Variants in KIF3B observed in about 807,000 individuals in gnomAD.
KIF3B encodes the protein kinesin-like protein KIF3B.
Under a neutral mutation model 74.3 loss-of-function variants are expected in KIF3B, and 38 were observed. The ratio of observed to expected loss-of-function variants is 0.51; its 90% CI spans 0.39 to 0.67. The LOEUF is 0.67. KIF3B is among the 30% of genes least tolerant of loss of function. The probability of loss-of-function intolerance (pLI) is 0.00; values close to 1 mark genes in which losing one functional copy is unlikely to be tolerated. For missense variants in KIF3B, 649 were observed against 932.0 expected (o/e 0.70, Z 3.95); for synonymous variants, 326 against 342.5 (o/e 0.95, Z 0.53).
At position 32,310,998 on chromosome 20, in the gene KIF3B, G is replaced by A. The variant is rs764860406; in HGVS notation, c.1221G>A (p.Gly407=). 1.9e-6 allele frequency: 3 copies of A among 1,613,342 alleles called. No homozygotes were observed. The highest frequency in any genetic ancestry group is 1.3e-5 in the African/African-American group (1 of 74,796). The change falls in exon 2 of 9, where the codon GGG becomes GGA. Residue 407 remains glycine (G), a synonymous_variant. Transcript: ENST00000375712. This position sits in a 1 kb window ranked among gnomAD's most constrained non-coding sequence, Gnocchi z 6.5. Reference sequence around the variant, plus strand: ...AGGGAGAAGAGGGTGAGGAGGAAGGGGATGATAAGGATGATTACTGGCGGG... The same window carrying A: ...AGGGAGAAGAGGGTGAGGAGGAAGGAGATGATAAGGATGATTACTGGCGGG... The part of the protein sequence containing the change: ...EEEGEEGEEE[G]DDKDDYWREQ...
chr20:32,322,869 C>T (rs1470630816), intron 5 of KIF3B, among the ~76,000 whole-genome samples: 61 of 47,276 alleles, frequency 1.3e-3, no homozygotes, highest in Admixed American at 2.1e-3. Context: ...TATACATATT[C>T]ATATATATTT....
At chr20:32,292,376 A>G (rs972922543) in intron 1 of KIF3B, among the ~76,000 whole-genome samples, 2 of 152,058 alleles carry the variant, frequency 1.3e-5, no homozygotes, top group African/African-American at 4.8e-5. Context: ...TGGGAGAATC[A>G]CATGAAGCCA....
intron 5 of KIF3B, among the ~76,000 whole-genome samples, chr20:32,325,756 C>CCT (rs1569210222): frequency 7.0e-6 from 1 of 142,044 alleles, no homozygotes; most frequent in East Asian, 2.2e-4. Context: ...CAACCTCTGC[C>CCT]CTCTGGGTTC....
At chr20:32,282,011 A>G (rs1439875124) in intron 1 of KIF3B, among the ~76,000 whole-genome samples, 3 of 152,158 alleles carry the variant, frequency 2.0e-5, no homozygotes, top group Non-Finnish European at 4.4e-5. Flanking sequence ...TGCTAGAGTA[A>G]TGAGTTGGGA....
chr20:32,330,388 C>T (rs768079356), intron 8 of KIF3B, 69 bp downstream of exon 8: 49 of 1,402,204 alleles, frequency 3.5e-5, no homozygotes, highest in Non-Finnish European at 4.7e-5. Flanking sequence ...AGCAAGAATG[C>T]TTGTTTATCA....
At chr20:32,285,124 T>G (rs1419285941) in intron 1 of KIF3B, among the ~76,000 whole-genome samples, 1 of 150,046 alleles carries the variant, frequency 6.7e-6, no homozygotes, top group Non-Finnish European at 1.5e-5. Context: ...AAACAGTGAC[T>G]TGAAAGAATG....
chr20:32,289,634 A>G lies in KIF3B; in HGVS notation c.-66+11869A>G, dbSNP rs73108544. Among the ~76,000 whole-genome samples the G allele has an allele frequency of 9.8e-3, 1,496 of 152,334 alleles. 11 individuals carry two copies. Among genetic ancestry groups the G allele is most frequent in the Non-Finnish European group, 0.012 (842 of 68,018 alleles). ...ATATTTATTTTCACAGTTACTTTCT[A>G]TTTATAACAAGTGATACTGATTTTC... On this transcript the variant is annotated intron_variant, in intron 1 of 8. Coordinates refer to ENST00000375712, the MANE Select transcript of KIF3B (RefSeq NM_004798.4).
intron 1 of KIF3B, among the ~76,000 whole-genome samples, chr20:32,308,324 A>G (rs2047782259): frequency 6.6e-6 from 1 of 152,210 alleles, no homozygotes; most frequent in Non-Finnish European, 1.5e-5. Flanking sequence ...CCTGGGCTCA[A>G]GCAATCCTTC....
At chr20:32,301,964 AT>A (rs912090626) in intron 1 of KIF3B, among the ~76,000 whole-genome samples, 3 of 152,202 alleles carry the variant, frequency 2.0e-5, no homozygotes, top group African/African-American at 7.2e-5. Context: ...GAATTACTCA[AT>A]TTTTCATGTT....
rs1443772827 is a variant in KIF3B, at chr20:32,330,146, A to T, written c.1974A>T (p.Glu658Asp). The change falls in exon 8 of 9, where the codon GAA becomes GAT. Residue 658 changes from glutamate (E) to aspartate (D), a missense_variant. Transcript: ENST00000375712. ...MIRPEARYRA[E>D]NIVLLELDMP... ...TGATGGCTGTGCTTCTGCAGGCAGA[A>T]AACATTGTGCTGTTAGAGCTGGACA... The T allele has an allele frequency of 2.5e-6, 4 of 1,612,310 alleles. No individual in the cohort carries two copies. The African/African-American group carries it at 4.0e-5, about 16-fold the overall frequency.
At chr20:32,319,997 T>G (rs1600434997) in intron 5 of KIF3B, among the ~76,000 whole-genome samples, 1 of 150,936 alleles carries the variant, frequency 6.6e-6, no homozygotes, top group African/African-American at 2.4e-5. Context: ...TGGGTTCAAG[T>G]GATTGTCCTG....
intron 1 of KIF3B, among the ~76,000 whole-genome samples, chr20:32,290,876 C>CAA (rs756263088): frequency 5.9e-4 from 59 of 99,992 alleles, no homozygotes; most frequent in African/African-American, 2.0e-3. Flanking sequence ...GACTGTGTCT[C>CAA]AAAAAAAAAA....
chr20:32,301,085 CTTT>C (rs950388063), intron 1 of KIF3B, among the ~76,000 whole-genome samples: 1 of 90,166 alleles, frequency 1.1e-5, no homozygotes. Flanking sequence ...GCTTCATGGT[CTTT>C]TTTTTTTTTT....
intron 1 of KIF3B, among the ~76,000 whole-genome samples, chr20:32,302,610 C>T (rs1367906615): frequency 6.6e-6 from 1 of 152,198 alleles, no homozygotes; most frequent in Non-Finnish European, 1.5e-5. Flanking sequence ...AAGAATCAGT[C>T]CTCTGCACTG....
In KIF3B at chr20:32,285,586, C is replaced by T. The variant is rs75353124; in HGVS notation, c.-66+7821C>T. On this transcript the variant is annotated intron_variant, in intron 1 of 8. Coordinates refer to ENST00000375712, the MANE Select transcript of KIF3B (RefSeq NM_004798.4). ...GTGGGAACTGGGTAAAGGCAGGATT[C>T]TATCAATTCTGCTACTTGCTGTGTG... Among the ~76,000 whole-genome samples the T allele has an allele frequency of 5.0e-3, 766 of 152,238 alleles. 37 individuals carry two copies. The East Asian group carries it at 0.13, about 26-fold the overall frequency.
chr20:32,319,122 G>A (rs2047843983), intron 5 of KIF3B, among the ~76,000 whole-genome samples: 1 of 151,712 alleles, frequency 6.6e-6, no homozygotes, highest in Admixed American at 6.6e-5. Context: ...CACCCTACTT[G>A]GCTAATTTTT....
At chr20:32,278,461 C>G (rs2047626737) in intron 1 of KIF3B, among the ~76,000 whole-genome samples, 2 of 152,124 alleles carry the variant, frequency 1.3e-5, no homozygotes, top group Admixed American at 1.3e-4. Context: ...TATGAGGCGT[C>G]CAGGGTAGGA....
chr20:32,331,183 A>G, intron 8 of KIF3B, 40 bp from the exon 9 acceptor site: 1 of 1,420,488 alleles, frequency 7.0e-7, no homozygotes, highest in Non-Finnish European at 1.0e-6. Context: ...AGGGACAGAG[A>G]TGGGGACATG....
At chr20:32,294,612 T>C (rs2047708140) in intron 1 of KIF3B, among the ~76,000 whole-genome samples, 1 of 152,242 alleles carries the variant, frequency 6.6e-6, no homozygotes, top group South Asian at 2.1e-4. Context: ...TTCATTAGTT[T>C]ATTTAATCCT....
Sources: allele counts gnomAD v4.1 joint callset (sites outside exome capture counted in the v4.1 genomes callset), GRCh38; gene constraint gnomAD v4.1.1; non-coding constraint Gnocchi (gnomAD v3.1); transcripts MANE v1.5; gene names NCBI Gene and HGNC (gene_info 2026-07-23, HGNC 2026-07-21).